The following C6orf118 variants were observed in gnomAD, a reference collection of about 807,000 sequenced individuals.
C6orf118 encodes chromosome 6 open reading frame 118.
A neutral mutation model predicts 50.2 loss-of-function variants in C6orf118; 50 were observed. That is an observed-to-expected ratio of 1.00 (90% CI 0.79 to 1.26). The LOEUF is 1.26. Ranked by LOEUF, C6orf118 falls within the 50% of genes most tolerant of loss-of-function variation. The pLI is 0.00. For missense variants in C6orf118, 641 were observed against 578.7 expected (o/e 1.11, Z -1.10); for synonymous variants, 239 against 230.9 (o/e 1.03, Z -0.32).
chr6:165,302,651 A>G (rs577831245), intron 1 of C6orf118, among the ~76,000 whole-genome samples: 1 of 152,338 alleles, frequency 6.6e-6, no homozygotes, highest in South Asian at 2.1e-4. Context: ...CTTAATGATG[A>G]TGCTTAAAGA....
chr6:165,282,364 C>T (rs938519448), intron 7 of C6orf118, among the ~76,000 whole-genome samples: 3 of 152,080 alleles, frequency 2.0e-5, no homozygotes, highest in South Asian at 4.1e-4. Context: ...TAAAGACTTG[C>T]TCTTTCAGAT....
In C6orf118 at chr6:165,302,027, C is replaced by A. The variant is rs748193483; in HGVS notation, c.295G>T (p.Ala99Ser). 4.3e-6 allele frequency: 7 copies of A among 1,613,274 alleles called. No individual in the cohort carries two copies. The highest frequency in any genetic ancestry group is 3.3e-5 in the Admixed American group (2 of 60,000). Residue 99 changes from alanine to serine, a missense_variant, in exon 2 of 9, where the codon GCA (alanine) becomes TCA (serine). Transcript: ENST00000230301. The part of the protein sequence containing the change: ...ERASEVGEPP[A>S]GKVARMKEAL... ...TCCTTCATCCTCGCCACCTTCCCTG[C>A]GGGCGGCTCTCCCACCTCAGAGGCG...
intron 7 of C6orf118, among the ~76,000 whole-genome samples, chr6:165,284,857 G>C (rs946800321): frequency 1.2e-4 from 19 of 152,144 alleles, no homozygotes; most frequent in Non-Finnish European, 2.5e-4. Context: ...ACCATTACCA[G>C]CCACTACAAA....
At chr6:165,280,161 G>T in intron 8 of C6orf118, 51 bp from the exon 9 acceptor site, 3 of 1,303,686 alleles carry the variant, frequency 2.3e-6, no homozygotes, top group Admixed American at 2.3e-5. Context: ...AATACATTAA[G>T]CATGAAATAA....
At chr6:165,290,093 A>T (rs929322716) in intron 6 of C6orf118, 26 bp from the exon 7 acceptor site, 1 of 1,434,848 alleles carries the variant, frequency 7.0e-7, no homozygotes, top group East Asian at 2.3e-5. Flanking sequence ...AAAACAAAGT[A>T]TTACCATGTT....
intron 5 of C6orf118, among the ~76,000 whole-genome samples, chr6:165,294,621 C>G (rs1034766978): frequency 2.0e-5 from 3 of 152,134 alleles, no homozygotes; most frequent in African/African-American, 7.2e-5. Flanking sequence ...TGTGGTGACT[C>G]ATGCCTGTAA....
At position 165,289,933 on chromosome 6, in the gene C6orf118, G is replaced by T. The variant is rs1487895867; in HGVS notation, c.1255C>A (p.His419Asn). 1.9e-6 allele frequency: 3 copies of T among 1,610,120 alleles called. No homozygotes were observed. Among genetic ancestry groups the T allele is most frequent in the South Asian group, 1.1e-5 (1 of 90,378 alleles). The change falls in exon 7 of 9, where the codon CAT becomes AAT. Residue 419 changes from histidine to asparagine, a missense_variant. Physicochemically the swap from His to Asn is moderately conservative, Grantham distance 68. Transcript: ENST00000230301. Reference sequence around the variant, plus strand: ...TCAGTGATATCTGAAATTCCAGTATGAACCAAAGTTGTTTTAATTTCTTTT... The same window carrying T: ...TCAGTGATATCTGAAATTCCAGTATTAACCAAAGTTGTTTTAATTTCTTTT... ...LEKEIKTTLV[H>N]TGISDITENR...
intron 1 of C6orf118, among the ~76,000 whole-genome samples, chr6:165,306,014 CACAT>C: frequency 1.1e-5 from 1 of 87,368 alleles, no homozygotes; most frequent in African/African-American, 6.8e-5. Flanking sequence ...GCTATAAAGA[CACAT>C]GCACACGTAT....
intron 7 of C6orf118, among the ~76,000 whole-genome samples, chr6:165,283,679 C>T (rs1779810328): frequency 1.3e-5 from 2 of 152,126 alleles, no homozygotes; most frequent in South Asian, 4.1e-4. Context: ...GCTAGAGGGA[C>T]CAAGGTGAAT....
Position 165,301,966 on chromosome 6 carries a change from A to G in C6orf118, c.356T>C (p.Val119Ala). 6.2e-7 allele frequency: 1 copy of G among 1,613,752 alleles called. No individual in the cohort carries two copies. The highest frequency in any genetic ancestry group is 8.5e-7 in the Non-Finnish European group (1 of 1,179,980). ...CGGGGTGTCCTGGGCCTCACTGGGGACCAGGGCCGTGTGGATGGTGAAGTG... is the reference window on the plus strand; with the variant it reads ...CGGGGTGTCCTGGGCCTCACTGGGGGCCAGGGCCGTGTGGATGGTGAAGTG... The part of the protein sequence containing the change: ...LAHFTIHTAL[V>A]PSEAQDTPLF... The change falls in exon 2 of 9, where the codon GTC (valine) becomes GCC (alanine). Residue 119 changes from valine (V) to alanine (A), a missense_variant. Transcript: ENST00000230301.
intron 3 of C6orf118, among the ~76,000 whole-genome samples, 176 bp from the exon 4 acceptor site, chr6:165,299,678 C>T (rs1213668748): frequency 6.6e-6 from 1 of 152,170 alleles, no homozygotes; most frequent in East Asian, 1.9e-4. Flanking sequence ...TAAAATCACA[C>T]CATCTTTGAA....
rs1303201376 is a variant in C6orf118 at position 165,302,303 on chromosome 6, A to G, written c.26-7T>C. ...TGCTTCCACTTCAGGTACACTGGTCAGAAAAGAAAAGGAGGCTCTTAGGGA... is the reference window on the plus strand; with the variant it reads ...TGCTTCCACTTCAGGTACACTGGTCGGAAAAGAAAAGGAGGCTCTTAGGGA... On this transcript the variant is annotated splice_region_variant and splice_polypyrimidine_tract_variant and intron_variant, in intron 1 of 8. Transcript: ENST00000230301. 6.2e-7 allele frequency: 1 copy of G among 1,607,758 alleles called. No individual in the cohort carries two copies. Among genetic ancestry groups the G allele is most frequent in the African/African-American group, 1.4e-5 (1 of 73,624 alleles).
chr6:165,288,625 T>C (rs1779998075), intron 7 of C6orf118, among the ~76,000 whole-genome samples: 1 of 152,274 alleles, frequency 6.6e-6, no homozygotes, highest in East Asian at 1.9e-4. Flanking sequence ...TGAGAGCATG[T>C]CCTTTGCAGG....
chr6:165,300,452 T>A lies in C6orf118; in HGVS notation c.788A>T (p.Gln263Leu). ...LQKICTCSPQ[Q>L]FNRLHVFGKV... ...TCCAAAGACGTGCAGTCTGTTGAAC[T>A]GCTGGGGGCTGCACGTGCAAATTTT... Residue 263 changes from glutamine to leucine, a missense_variant, in exon 3 of 9, where the codon CAG (glutamine) becomes CTG (leucine). Coordinates refer to ENST00000230301, the MANE Select transcript of C6orf118 (RefSeq NM_144980.4). 4 of 1,613,516 alleles carry A rather than the reference T, an allele frequency of 2.5e-6. No individual in the cohort carries two copies. Among genetic ancestry groups the A allele is most frequent in the Non-Finnish European group, 3.4e-6 (4 of 1,179,648 alleles).
chr6:165,283,696 C>T (rs566327126), intron 7 of C6orf118, among the ~76,000 whole-genome samples: 15 of 152,204 alleles, frequency 9.9e-5, no homozygotes, highest in African/African-American at 3.1e-4. Context: ...GAATAGAGTC[C>T]GAAGTGGACC....
At chr6:165,307,130 A>T (rs1420861564) in intron 1 of C6orf118, among the ~76,000 whole-genome samples, 1 of 152,162 alleles carries the variant, frequency 6.6e-6, no homozygotes, top group Admixed American at 6.5e-5. Context: ...GTTAATACAT[A>T]TTGCCAAAAT....
rs574702626 is a variant in C6orf118, at chr6:165,299,856, G to T, written c.877-354C>A. On this transcript the variant is annotated intron_variant, in intron 3 of 8. Transcript: ENST00000230301. The stretch of plus-strand genomic sequence containing the variant: ...GTGCCACCACGCCCAGCTAATTTTT[G>T]TATTTTTAGAAGAGATGGGGTTTCA... 1.4e-4 allele frequency among the ~76,000 whole-genome samples: 21 copies of T among 152,214 alleles called. No individual in the cohort carries two copies. The East Asian group carries it at 3.9e-3, about 28-fold the overall frequency.
At chr6:165,306,962 G>A in intron 1 of C6orf118, among the ~76,000 whole-genome samples, 1 of 152,106 alleles carries the variant, frequency 6.6e-6, no homozygotes, top group Non-Finnish European at 1.5e-5. Flanking sequence ...GCCTGAGAGA[G>A]AAAACAAACA....
intron 7 of C6orf118, among the ~76,000 whole-genome samples, chr6:165,282,647 C>CT (rs3079844): frequency 0.23 from 32,214 of 140,986 alleles, 3,992 homozygotes; most frequent in South Asian, 0.32. Context: ...ACATTCAGCT[C>CT]TTTTTTTTTT....
Sources: gnomAD v4.1 joint callset for allele counts (sites outside exome capture counted in the v4.1 genomes callset) on GRCh38, gnomAD v4.1.1 for gene constraint, MANE v1.5 for transcripts, NCBI Gene and HGNC (gene_info 2026-07-23, HGNC 2026-07-21) for gene names.